Variants in ZNF469 observed in about 807,000 individuals in gnomAD.
ZNF469 encodes the protein zinc finger protein 469.
ZNF469 carries 1 observed loss-of-function variant against 1.0 expected under a neutral mutation model. The ratio of observed to expected loss-of-function variants is 1.00; its 90% CI spans 0.35 to 4.73. The LOEUF is 4.73. Ranked by LOEUF, ZNF469 falls within the 30% of genes most tolerant of loss-of-function variation. The pLI is 0.16. For synonymous variants in ZNF469, 2,703 were observed against 2,363.4 expected, an observed-to-expected ratio of 1.14 and a Z score of -4.17; for missense variants, 6,100 against 5,356.3, an observed-to-expected ratio of 1.14 and a Z score of -4.33.
At chr16:88,272,534 A>G in the ZNF469 span, among the ~76,000 whole-genome samples, 1 of 151,454 alleles carries the variant, frequency 6.6e-6, no homozygotes, top group Non-Finnish European at 1.5e-5. Flanking sequence ...AGATGAGTGG[A>G]TAGATGAATG....
the ZNF469 span, among the ~76,000 whole-genome samples, chr16:88,185,340 T>G: frequency 1.3e-5 from 2 of 152,014 alleles, no homozygotes; most frequent in African/African-American, 4.8e-5. Flanking sequence ...CTCACATGAA[T>G]ACAATGCATG....
the ZNF469 span, among the ~76,000 whole-genome samples, chr16:88,263,769 T>A: frequency 6.6e-6 from 1 of 152,038 alleles, no homozygotes; most frequent in Non-Finnish European, 1.5e-5. Context: ...GCCTCTCCCA[T>A]CCCAGAGGTG....
At chr16:88,387,282 T>C (rs1419342675) in intron 1 of ZNF469, among the ~76,000 whole-genome samples, 1 of 152,142 alleles carries the variant, frequency 6.6e-6, no homozygotes, top group Non-Finnish European at 1.5e-5. Flanking sequence ...CTATCGGCCG[T>C]CCAGCCCCCT....
the ZNF469 span, among the ~76,000 whole-genome samples, chr16:88,255,060 C>G: frequency 4.3e-4 from 66 of 152,146 alleles, no homozygotes; most frequent in Non-Finnish European, 8.7e-4. Context: ...CTATGTCATA[C>G]ATAGACATGT....
chr16:88,150,951 C>A, the ZNF469 span, among the ~76,000 whole-genome samples: 1 of 151,870 alleles, frequency 6.6e-6, no homozygotes, highest in African/African-American at 2.4e-5. Context: ...GAAGGGGTTT[C>A]GAGCCATGGA....
chr16:88,305,529 C>T, the ZNF469 span, among the ~76,000 whole-genome samples: 7,922 of 148,116 alleles, frequency 0.053, 299 homozygotes, highest in East Asian at 0.14. Context: ...TGCACACACA[C>T]GCTCACAGGC....
At chr16:88,308,827 T>C in the ZNF469 span, among the ~76,000 whole-genome samples, 16 of 152,284 alleles carry the variant, frequency 1.1e-4, no homozygotes, top group Non-Finnish European at 1.6e-4. Flanking sequence ...CATGAGAACA[T>C]GCCTCTCAGG....
At chr16:88,309,952 G>A in the ZNF469 span, among the ~76,000 whole-genome samples, 1 of 152,342 alleles carries the variant, frequency 6.6e-6, no homozygotes, top group East Asian at 1.9e-4. Context: ...CACTGCCCAG[G>A]GTAGCCTGGC....
At chr16:88,249,074 C>G in the ZNF469 span, among the ~76,000 whole-genome samples, 1 of 152,098 alleles carries the variant, frequency 6.6e-6, no homozygotes, top group Non-Finnish European at 1.5e-5. Flanking sequence ...TTTTTAACCC[C>G]ACATCCATTG....
upstream of ZNF469, among the ~76,000 whole-genome samples, chr16:88,378,248 AG>A (rs1357918706): frequency 6.6e-6 from 1 of 151,346 alleles, no homozygotes; most frequent in Non-Finnish European, 1.5e-5. Context: ...GGCAGGGAGC[AG>A]GGGGCACCGG....
the ZNF469 span, among the ~76,000 whole-genome samples, chr16:88,247,448 G>GTGAGTGAATAAGTGAATGAA: frequency 2.0e-5 from 3 of 148,620 alleles, no homozygotes; most frequent in African/African-American, 7.7e-5. Flanking sequence ...GAATAAGTGA[G>GTGAGTGAATAAGTGAATGAA]TGAATGAGTG....
intron 1 of ZNF469, among the ~76,000 whole-genome samples, chr16:88,422,801 TGGAC>T: frequency 6.8e-6 from 1 of 145,992 alleles, no homozygotes; most frequent in South Asian, 2.2e-4. Flanking sequence ...GATGGGTGGA[TGGAC>T]AGATGGGCAG....
chr16:88,286,597 G>T, the ZNF469 span, among the ~76,000 whole-genome samples: 67 of 152,384 alleles, frequency 4.4e-4, no homozygotes, highest in African/African-American at 1.6e-3. Flanking sequence ...CAGTGCAGGT[G>T]GGGGAGGGAA....
the ZNF469 span, among the ~76,000 whole-genome samples, chr16:88,176,862 C>T: frequency 6.6e-6 from 1 of 152,246 alleles, no homozygotes; most frequent in Admixed American, 6.5e-5. Context: ...AGAACAGATG[C>T]AGCACGGAAC....
At chr16:88,425,940 CCCT>C (rs1353026220) in intron 2 of ZNF469, among the ~76,000 whole-genome samples, 1 of 152,220 alleles carries the variant, frequency 6.6e-6, no homozygotes, top group African/African-American at 2.4e-5. Context: ...TTGGGCAGGA[CCCT>C]CCTCCCCGGT....
chr16:88,252,751 G>A, the ZNF469 span, among the ~76,000 whole-genome samples: 1 of 152,156 alleles, frequency 6.6e-6, no homozygotes, highest in Non-Finnish European at 1.5e-5. Flanking sequence ...CATATGTTAA[G>A]TGTGTGATTT....
At chr16:88,305,711 C>A in the ZNF469 span, among the ~76,000 whole-genome samples, 3 of 152,218 alleles carry the variant, frequency 2.0e-5, 1 homozygote, top group Middle Eastern at 6.3e-3. Context: ...TACATGCATA[C>A]TCTCATACCT....
rs1381002315 is a variant in ZNF469, at chr16:88,434,901, C to T, written c.7431C>T (p.Cys2477=). The change falls in exon 3 of 3, where the codon TGC becomes TGT. Residue 2477 remains cysteine (C), a synonymous_variant. Transcript: ENST00000565624. The stretch of plus-strand genomic sequence containing the variant: ...ATGGGCCTGTGACCTGTGAGGTCTG[C>T]GCAGCCTCCTTCCGCTCCGGGCCGG... The part of the protein sequence containing the change: ...APHGPVTCEV[C]AASFRSGPGL... 14 of 1,550,202 alleles carry T rather than the reference C, an allele frequency of 9.0e-6. No individual in the cohort carries two copies. Among genetic ancestry groups the T allele is most frequent in the East Asian group, 4.9e-5 (2 of 40,938 alleles).
In ZNF469 at chr16:88,431,889, T is replaced by G. The variant is rs12445417; in HGVS notation, c.4419T>G (p.Ser1473=). Residue 1473 remains serine, a synonymous_variant, in exon 3 of 3, where the codon TCT becomes TCG. Coordinates refer to ENST00000565624, the MANE Select transcript of ZNF469 (RefSeq NM_001367624.2). ...RFDPPLYGSL[S]ANRDSGLPFA... The stretch of plus-strand genomic sequence containing the variant: ...ACCCACCCCTCTATGGCAGCCTGTC[T>G]GCGAACAGGGACTCCGGTCTGCCGT... 1,481,702 of 1,549,944 alleles carry G rather than the reference T, an allele frequency of 0.96. 715,051 individuals are homozygous for G. Among genetic ancestry groups the G allele is most frequent in the South Asian group, 0.99 (82,841 of 84,064 alleles).
Sources: gnomAD v4.1 joint callset for allele counts (sites outside exome capture counted in the v4.1 genomes callset) on GRCh38, gnomAD v4.1.1 for gene constraint, MANE v1.5 for transcripts, NCBI Gene and HGNC (gene_info 2026-07-23, HGNC 2026-07-21) for gene names.